PPM1H: variants seen among roughly 807,000 people sequenced by gnomAD.
PPM1H encodes the protein protein phosphatase, Mg2+/Mn2+ dependent 1H.
A neutral mutation model predicts 54.9 loss-of-function variants in PPM1H; 27 were observed. That is an observed-to-expected ratio of 0.49 (90% CI 0.36 to 0.68). The LOEUF (loss-of-function observed/expected upper bound fraction) is 0.68, where lower values mean the gene tolerates loss of function less well. PPM1H is among the 30% of genes least tolerant of loss of function. The pLI, the probability that PPM1H is intolerant of heterozygous loss-of-function variation, is 0.00. For missense variants in PPM1H, 596 were observed against 667.8 expected (o/e 0.89, Z 1.19); for synonymous variants, 305 against 270.8 (o/e 1.13, Z -1.24).
intron 8 of PPM1H, among the ~76,000 whole-genome samples, chr12:62,679,628 T>C (rs2076007630): frequency 1.3e-5 from 2 of 152,034 alleles, no homozygotes; most frequent in African/African-American, 4.8e-5. Context: ...GAGAAAAAAA[T>C]TACAACATAT....
chr12:62,691,665 A>C (rs1204911619), intron 7 of PPM1H, among the ~76,000 whole-genome samples: 1 of 152,056 alleles, frequency 6.6e-6, no homozygotes, highest in Non-Finnish European at 1.5e-5. Flanking sequence ...GACTACAAAA[A>C]ATACAAAAAT....
Position 62,760,221 on chromosome 12 carries a change from T to C in PPM1H, c.870-22635A>G, listed in dbSNP as rs549837897. On this transcript the variant is annotated intron_variant, in intron 4 of 9. Transcript: ENST00000228705. Reference sequence around the variant, plus strand: ...TTTTTGTCGAAAAATGGGCAAATGGTCTGAGGTGCCTGACGTCCAGGCATT... The same window carrying C: ...TTTTTGTCGAAAAATGGGCAAATGGCCTGAGGTGCCTGACGTCCAGGCATT... 2.0e-5 allele frequency among the ~76,000 whole-genome samples: 3 copies of C among 152,224 alleles called. No homozygotes were observed. In the South Asian group the frequency reaches 6.2e-4, roughly 32 times the overall value.
chr12:62,817,008 T>C (rs2076869957), intron 2 of PPM1H, among the ~76,000 whole-genome samples: 2 of 150,468 alleles, frequency 1.3e-5, no homozygotes, highest in South Asian at 4.2e-4. Flanking sequence ...GGATTCTAGC[T>C]GACATCAGCC....
chr12:62,682,955 G>T (rs983239976), intron 8 of PPM1H, among the ~76,000 whole-genome samples: 1 of 151,664 alleles, frequency 6.6e-6, no homozygotes, highest in Admixed American at 6.6e-5. Context: ...CCCAGTAGCT[G>T]AGACTACAGG....
chr12:62,932,658 G>T (rs1045593340), intron 1 of PPM1H, among the ~76,000 whole-genome samples: 1 of 14,640 alleles, frequency 6.8e-5, no homozygotes, highest in Non-Finnish European at 2.8e-4. Context: ...TTTTGAGAAG[G>T]AGTTTCGCTC....
At chr12:62,881,889 G>C (rs779093235) in intron 1 of PPM1H, among the ~76,000 whole-genome samples, 57 of 152,110 alleles carry the variant, frequency 3.7e-4, no homozygotes, top group Non-Finnish European at 6.5e-4. Context: ...CCACTCTCCA[G>C]ATCAGCCTTG....
chr12:62,827,148 C>T (rs936021358), intron 2 of PPM1H, among the ~76,000 whole-genome samples: 1 of 152,166 alleles, frequency 6.6e-6, no homozygotes, highest in African/African-American at 2.4e-5. Flanking sequence ...TAATTTCCTA[C>T]AAAACACTTT....
chr12:62,823,808 A>C (rs571441646), intron 2 of PPM1H, among the ~76,000 whole-genome samples: 1 of 152,306 alleles, frequency 6.6e-6, no homozygotes, highest in African/African-American at 2.4e-5. Flanking sequence ...AATGGGCAAA[A>C]ACTGGAAGCA....
chr12:62,797,493 C>A (rs2652024), intron 3 of PPM1H, among the ~76,000 whole-genome samples: 31,500 of 151,850 alleles, frequency 0.21, 4,286 homozygotes, highest in African/African-American at 0.39. Context: ...GTGGCTACTG[C>A]GGTGAAAAAA....
chr12:62,843,319 A>AC (rs1262237883), intron 1 of PPM1H, among the ~76,000 whole-genome samples: 66 of 152,040 alleles, frequency 4.3e-4, no homozygotes, highest in Admixed American at 3.8e-3. Context: ...TCTGTCTCAA[A>AC]AAAACAAACA....
intron 4 of PPM1H, among the ~76,000 whole-genome samples, chr12:62,787,850 TA>T (rs908448150): frequency 1.4e-4 from 21 of 152,078 alleles, no homozygotes; most frequent in African/African-American, 4.8e-4. Context: ...AGTCACTAAG[TA>T]AAAGTGGAGT....
At chr12:62,793,538 A>G (rs2076712199) in intron 3 of PPM1H, among the ~76,000 whole-genome samples, 1 of 152,026 alleles carries the variant, frequency 6.6e-6, no homozygotes. Context: ...CAGCTTGACC[A>G]ACACGTAGAA....
chr12:62,863,649 T>C (rs1398065270), intron 1 of PPM1H, among the ~76,000 whole-genome samples: 1 of 152,182 alleles, frequency 6.6e-6, no homozygotes, highest in Admixed American at 6.5e-5. Flanking sequence ...TTAATCTGAC[T>C]CTTACTATAG....
chr12:62,682,565 GAT>G, intron 8 of PPM1H, among the ~76,000 whole-genome samples: 1 of 152,318 alleles, frequency 6.6e-6, no homozygotes, highest in African/African-American at 2.4e-5. Flanking sequence ...GCAGTGGTGT[GAT>G]CATAGCTCAA....
At position 62,928,919 on chromosome 12, in the gene PPM1H, C is replaced by G. The variant is rs549118068; in HGVS notation, c.245+5573G>C. ...TTGCAACAGACTTGAGTAAAGTCTT[C>G]CCCAGCATTGTAACAAGTGTCAGAA... On this transcript the variant is annotated intron_variant, in intron 1 of 9. Coordinates refer to ENST00000228705, the MANE Select transcript of PPM1H (RefSeq NM_020700.2). 1.7e-4 allele frequency among the ~76,000 whole-genome samples: 26 copies of G among 152,312 alleles called. No individual in the cohort carries two copies. The South Asian group carries it at 4.8e-3, about 28-fold the overall frequency.
chr12:62,921,768 G>A (rs566815174), intron 1 of PPM1H, among the ~76,000 whole-genome samples: 6 of 152,290 alleles, frequency 3.9e-5, no homozygotes, highest in African/African-American at 1.4e-4. Flanking sequence ...GGGCAACACA[G>A]TGAGACGCCA....
At chr12:62,725,055 G>T (rs2076282883) in intron 5 of PPM1H, among the ~76,000 whole-genome samples, 1 of 152,212 alleles carries the variant, frequency 6.6e-6, no homozygotes, top group African/African-American at 2.4e-5. Context: ...TAAGGGTGCA[G>T]AAGTTCTTAA....
chr12:62,665,048 T>A (rs1244768600), intron 9 of PPM1H, among the ~76,000 whole-genome samples: 1 of 151,762 alleles, frequency 6.6e-6, no homozygotes, highest in African/African-American at 2.4e-5. Context: ...AGTTCTTCAG[T>A]TTCTTTCTCT....
intron 7 of PPM1H, 41 bp downstream of exon 7, chr12:62,693,895 G>T: frequency 6.4e-7 from 1 of 1,572,530 alleles, no homozygotes; most frequent in South Asian, 1.1e-5. Flanking sequence ...AGGCGGGACA[G>T]AGCCCTGTCC....
Sources: allele counts gnomAD v4.1 joint callset (sites outside exome capture counted in the v4.1 genomes callset), GRCh38; gene constraint gnomAD v4.1.1; transcripts MANE v1.5; gene names NCBI Gene and HGNC (gene_info 2026-07-23, HGNC 2026-07-21).